The following FRMPD4 variants were observed in gnomAD, a reference collection of about 807,000 sequenced individuals.
The protein encoded by FRMPD4 is FERM and PDZ domain-containing protein 4.
Under a neutral mutation model 94.1 loss-of-function variants are expected in FRMPD4, and 22 were observed. That is an observed-to-expected ratio of 0.23 (90% CI 0.17 to 0.33). The LOEUF (loss-of-function observed/expected upper bound fraction) is 0.33, where lower values mean the gene tolerates loss of function less well. Among genes scored for constraint, FRMPD4 ranks in the 10% least tolerant of loss-of-function variants. The probability of loss-of-function intolerance (pLI) is 1.00; values close to 1 mark genes in which losing one functional copy is unlikely to be tolerated. For missense variants in FRMPD4, 1,111 were observed against 1,339.9 expected (o/e 0.83, Z 2.67); for synonymous variants, 631 against 548.6 (o/e 1.15, Z -2.10).
intron 1 of FRMPD4, among the ~76,000 whole-genome samples, chrX:12,323,565 C>A (rs1601818430): frequency 9.0e-6 from 1 of 111,640 alleles, no homozygotes; most frequent in African/African-American, 3.3e-5. Context: ...ACTGGGGTCA[C>A]CTCCTTAACC....
At chrX:12,691,264 G>T (rs373845850) in intron 8 of FRMPD4, among the ~76,000 whole-genome samples, 64 of 109,816 alleles carry the variant, frequency 5.8e-4, no homozygotes, top group African/African-American at 1.8e-3. Flanking sequence ...GGTTTTTTTT[G>T]TTGTTGTTGT....
intron 1 of FRMPD4, among the ~76,000 whole-genome samples, chrX:12,470,280 C>T (rs1014152915): frequency 8.9e-6 from 1 of 111,951 alleles, no homozygotes; most frequent in East Asian, 2.8e-4. Flanking sequence ...TCGTTAACAT[C>T]TCTATATTCT....
chrX:12,597,095 T>G (rs903627113), intron 2 of FRMPD4, among the ~76,000 whole-genome samples: 1 of 112,119 alleles, frequency 8.9e-6, no homozygotes, highest in African/African-American at 3.2e-5. Flanking sequence ...GGGTGTGACT[T>G]GATTATTATT....
intron 2 of FRMPD4, among the ~76,000 whole-genome samples, chrX:12,551,508 A>G (rs1266809322): frequency 2.7e-5 from 3 of 111,137 alleles, no homozygotes; most frequent in African/African-American, 9.8e-5. Flanking sequence ...CAGCATCCAA[A>G]TAAGAGCTAT....
chrX:11,847,352 G>C (rs764351024), intron 1 of FRMPD4, among the ~76,000 whole-genome samples: 335 of 105,455 alleles, frequency 3.2e-3, no homozygotes, highest in South Asian at 0.01. Flanking sequence ...ACACCAGTTA[G>C]AATGGCAATC....
intron 3 of FRMPD4, among the ~76,000 whole-genome samples, chrX:11,963,293 G>A (rs778110719): frequency 5.3e-5 from 6 of 112,318 alleles, no homozygotes; most frequent in African/African-American, 9.7e-5. Context: ...GGCTCCAACC[G>A]ATGTCTGCTG....
intron 3 of FRMPD4, among the ~76,000 whole-genome samples, chrX:12,119,740 A>G (rs1158095901): frequency 8.9e-6 from 1 of 112,751 alleles, no homozygotes; most frequent in Non-Finnish European, 1.9e-5. Context: ...TATGCAGCAG[A>G]ACATGGGTTT....
chrX:11,878,355 A>G lies in FRMPD4; in HGVS notation c.95+337A>G, dbSNP rs189755142. ...TGATTTTAGCTGCCTGTTCATTTCT[A>G]TGGTATTATAATAGGCTATAATTCA... On this transcript the variant is annotated intron_variant, in intron 3 of 18. Transcript: ENST00000640291. Among the ~76,000 whole-genome samples, 69 of 112,211 alleles carry G rather than the reference A, an allele frequency of 6.1e-4. 1 individual carries two copies. Among genetic ancestry groups the G allele is most frequent in the African/African-American group, 2.2e-3 (67 of 30,985 alleles).
chrX:12,555,632 G>A (rs758091281), intron 2 of FRMPD4, among the ~76,000 whole-genome samples: 2 of 111,306 alleles, frequency 1.8e-5, no homozygotes, highest in South Asian at 3.8e-4. Flanking sequence ...GGCAGACATC[G>A]CCATATATTA....
chrX:12,236,833 T>C (rs1378920097), intron 1 of FRMPD4, among the ~76,000 whole-genome samples: 2 of 112,388 alleles, frequency 1.8e-5, no homozygotes, highest in African/African-American at 6.5e-5. Context: ...CATGAATTGC[T>C]GTACATCAGC....
At chrX:12,445,457 TGCAAAAACAGATTTGGGAATAATAA>T (rs1276479098) in intron 1 of FRMPD4, among the ~76,000 whole-genome samples, 1 of 112,458 alleles carries the variant, frequency 8.9e-6, no homozygotes, top group African/African-American at 3.2e-5. Context: ...AGAAAAGATG[TGCAAAAACAGATTTGGGAATAATAA>T]TCAGATCATT....
intron 1 of FRMPD4, among the ~76,000 whole-genome samples, chrX:11,831,242 G>A (rs1413432670): frequency 1.8e-5 from 2 of 110,981 alleles, no homozygotes; most frequent in Non-Finnish European, 3.8e-5. Context: ...ACTTAAAGCG[G>A]AATATTACAG....
At chrX:11,854,808 C>A (rs186777511) in intron 1 of FRMPD4, among the ~76,000 whole-genome samples, 1 of 112,076 alleles carries the variant, frequency 8.9e-6, no homozygotes, top group African/African-American at 3.2e-5. Context: ...GTGTCTGAAG[C>A]TTTTCCAGGT....
chrX:12,587,196 C>T (rs957108685), intron 2 of FRMPD4, among the ~76,000 whole-genome samples: 10 of 110,782 alleles, frequency 9.0e-5, no homozygotes, highest in East Asian at 2.8e-4. Flanking sequence ...AGGCTGGTCT[C>T]GAACTCCTGA....
intron 1 of FRMPD4, among the ~76,000 whole-genome samples, chrX:12,168,490 A>G (rs1221754077): frequency 9.0e-6 from 1 of 111,286 alleles, no homozygotes; most frequent in Non-Finnish European, 1.9e-5. Flanking sequence ...AGAAAATATA[A>G]TTTAGGAAGA....
rs112695669 is a variant in FRMPD4, at chrX:11,975,319, A to G, written c.95+97301A>G. Among the ~76,000 whole-genome samples, 1,023 of 112,665 alleles carry G rather than the reference A, an allele frequency of 9.1e-3. 8 individuals carry two copies. Among genetic ancestry groups the G allele is most frequent in the African/African-American group, 0.032 (989 of 31,019 alleles). ...CATGCTATCAGGAAAATTTGCAGGC[A>G]CTGCAATCAGACACACTGGGGCTTT... On this transcript the variant is annotated intron_variant, in intron 3 of 18. Coordinates refer to the FRMPD4 transcript ENST00000640291.
intron 1 of FRMPD4, among the ~76,000 whole-genome samples, chrX:11,825,199 T>TGC (rs1364788713): frequency 1.0e-5 from 1 of 98,178 alleles, no homozygotes; most frequent in Non-Finnish European, 2.0e-5. Flanking sequence ...TTTGTGTGTG[T>TGC]GTGTGTGTGT....
chrX:12,328,896 G>T (rs1362423991), intron 1 of FRMPD4, among the ~76,000 whole-genome samples: 2 of 111,673 alleles, frequency 1.8e-5, no homozygotes, highest in African/African-American at 6.5e-5. Context: ...GTGTACTGTA[G>T]GTGCCAAGGG....
At chrX:12,442,976 T>C (rs2057155629) in intron 1 of FRMPD4, among the ~76,000 whole-genome samples, 1 of 111,856 alleles carries the variant, frequency 8.9e-6, no homozygotes, top group Admixed American at 9.5e-5. Flanking sequence ...AATAAGCCCA[T>C]TGCAAAAGAC....
Sources: gnomAD v4.1 joint callset for allele counts (sites outside exome capture counted in the v4.1 genomes callset) on GRCh38, gnomAD v4.1.1 for gene constraint, MANE v1.5 for transcripts, NCBI Gene and HGNC (gene_info 2026-07-23, HGNC 2026-07-21) for gene names.